CHCHD6: variants seen among roughly 807,000 people sequenced by gnomAD.
The protein encoded by CHCHD6 is coiled-coil-helix-coiled-coil-helix domain containing 6.
A neutral mutation model predicts 32.3 loss-of-function variants in CHCHD6; 28 were observed. The ratio of observed to expected loss-of-function variants is 0.87; its 90% CI spans 0.64 to 1.19. CHCHD6 has a LOEUF of 1.19. CHCHD6 is among the 50% of genes most tolerant of loss of function. The pLI is 0.00. For synonymous variants in CHCHD6, 122 were observed against 117.5 expected, an observed-to-expected ratio of 1.04 and a Z score of -0.25; for missense variants, 333 against 307.0, an observed-to-expected ratio of 1.08 and a Z score of -0.63.
intron 6 of CHCHD6, among the ~76,000 whole-genome samples, chr3:126,942,969 C>T (rs564239351): frequency 1.3e-5 from 2 of 152,274 alleles, no homozygotes; most frequent in Middle Eastern, 3.4e-3. Context: ...TATCTGGAGG[C>T]TCTTTGTAGG....
At chr3:126,828,816 C>T (rs1940517115) in intron 4 of CHCHD6, among the ~76,000 whole-genome samples, 1 of 152,204 alleles carries the variant, frequency 6.6e-6, no homozygotes, top group Admixed American at 6.5e-5. Context: ...ACTATTTGTA[C>T]CACTCGGTAA....
intron 5 of CHCHD6, among the ~76,000 whole-genome samples, chr3:126,901,053 G>C (rs927911144): frequency 2.0e-5 from 3 of 152,188 alleles, no homozygotes; most frequent in African/African-American, 7.2e-5. Flanking sequence ...GTTGACATGA[G>C]ATTCAGTAGG....
chr3:126,806,603 C>A (rs2107693781), intron 4 of CHCHD6, among the ~76,000 whole-genome samples: 1 of 152,228 alleles, frequency 6.6e-6, no homozygotes. Context: ...GTTGGTGGGA[C>A]TGTAAACTAG....
At chr3:126,916,506 G>A (rs1243226422) in intron 6 of CHCHD6, among the ~76,000 whole-genome samples, 2 of 152,162 alleles carry the variant, frequency 1.3e-5, no homozygotes, top group African/African-American at 4.8e-5. Context: ...ATAGAGACAA[G>A]GACAGGTGTT....
chr3:126,721,672 G>A (rs1320805652), intron 1 of CHCHD6, among the ~76,000 whole-genome samples: 1 of 151,928 alleles, frequency 6.6e-6, no homozygotes, highest in Non-Finnish European at 1.5e-5. Context: ...TGTGACCATT[G>A]CCACAATCAT....
chr3:126,823,114 C>T (rs1940222283), intron 4 of CHCHD6, among the ~76,000 whole-genome samples: 2 of 151,350 alleles, frequency 1.3e-5, no homozygotes, highest in South Asian at 2.1e-4. Context: ...GCGGTATCTC[C>T]CTGTGTTGCC....
At chr3:126,947,407 G>A (rs2078654943) in intron 6 of CHCHD6, among the ~76,000 whole-genome samples, 2 of 152,236 alleles carry the variant, frequency 1.3e-5, no homozygotes, top group South Asian at 2.1e-4. Flanking sequence ...CGGGGCAACT[G>A]TCTTTTCTTT....
chr3:126,930,876 A>G (rs1249120416), intron 6 of CHCHD6, among the ~76,000 whole-genome samples: 1 of 152,152 alleles, frequency 6.6e-6, no homozygotes, highest in Non-Finnish European at 1.5e-5. Context: ...TCATCTCTGT[A>G]CAGCTCTGGC....
chr3:126,954,115 T>C (rs537604211), intron 6 of CHCHD6, among the ~76,000 whole-genome samples: 1 of 152,362 alleles, frequency 6.6e-6, no homozygotes, highest in East Asian at 1.9e-4. Flanking sequence ...TTTCTTCCAG[T>C]TGACATTTGC....
At position 126,957,484 on chromosome 3, in the gene CHCHD6, C is replaced by A. The variant is rs368713584; in HGVS notation, c.635C>A (p.Pro212Gln). 3.7e-6 allele frequency: 6 copies of A among 1,606,232 alleles called. No individual in the cohort carries two copies. The highest frequency in any genetic ancestry group is 5.1e-6 in the Non-Finnish European group (6 of 1,176,640). ...ATTCTCCACTGCTACCGAGATCGCC[C>A]GCATGAGGTGCTGCTGTGCTCGGAC... ...AQILHCYRDR[P>Q]HEVLLCSDLV... The change falls in exon 7 of 8, where the codon CCG becomes CAG. Residue 212 changes from proline (P) to glutamine (Q), a missense_variant. Physicochemically the swap from Pro to Gln is moderately conservative, Grantham distance 76. Transcript: ENST00000290913.
intron 6 of CHCHD6, among the ~76,000 whole-genome samples, chr3:126,926,285 G>A (rs1204612371): frequency 2.0e-5 from 3 of 152,186 alleles, no homozygotes; most frequent in East Asian, 1.9e-4. Flanking sequence ...TAGATGATAG[G>A]CTCTTTGCAG....
chr3:126,753,389 G>A (rs1576374138), intron 4 of CHCHD6, among the ~76,000 whole-genome samples: 1 of 152,148 alleles, frequency 6.6e-6, no homozygotes, highest in East Asian at 1.9e-4. Flanking sequence ...GAGGAGGAGG[G>A]GCACTGAGGC....
At chr3:126,904,927 G>A (rs1005709401) in intron 5 of CHCHD6, among the ~76,000 whole-genome samples, 1 of 152,194 alleles carries the variant, frequency 6.6e-6, no homozygotes, top group African/African-American at 2.4e-5. Context: ...GGGGTGCCCT[G>A]GTGGATGAGG....
intron 6 of CHCHD6, chr3:126,949,148 G>C (rs1365866361): frequency 6.6e-6 from 1 of 152,668 alleles, no homozygotes; most frequent in African/African-American, 2.4e-5. Context: ...CAGAGTCTCA[G>C]ATACAGCCAG....
At chr3:126,841,583 A>C (rs937688893) in intron 4 of CHCHD6, among the ~76,000 whole-genome samples, 7 of 152,220 alleles carry the variant, frequency 4.6e-5, no homozygotes, top group African/African-American at 1.7e-4. Context: ...TCTTTCCATA[A>C]GCATGATCTA....
intron 5 of CHCHD6, among the ~76,000 whole-genome samples, chr3:126,902,095 TACA>T (rs1160235498): frequency 6.6e-6 from 1 of 152,198 alleles, no homozygotes; most frequent in African/African-American, 2.4e-5. Flanking sequence ...TCCCTGACCT[TACA>T]ACAACGATTC....
intron 4 of CHCHD6, among the ~76,000 whole-genome samples, chr3:126,833,143 G>A (rs1940709058): frequency 6.6e-6 from 1 of 152,172 alleles, no homozygotes; most frequent in Non-Finnish European, 1.5e-5. Context: ...ACATGTACAT[G>A]CACATGTGCA....
chr3:126,791,317 C>T (rs1938529345), intron 4 of CHCHD6, among the ~76,000 whole-genome samples: 2 of 152,222 alleles, frequency 1.3e-5, no homozygotes, highest in Admixed American at 6.5e-5. Flanking sequence ...ATCTCAGACT[C>T]CGTGCTGGGA....
chr3:126,825,925 T>A (rs1940373355), intron 4 of CHCHD6, among the ~76,000 whole-genome samples: 1 of 152,216 alleles, frequency 6.6e-6, no homozygotes, highest in African/African-American at 2.4e-5. Context: ...TTCTAGCAAT[T>A]CTGTGCTTCC....
Sources: allele counts gnomAD v4.1 joint callset (sites outside exome capture counted in the v4.1 genomes callset), GRCh38; gene constraint gnomAD v4.1.1; transcripts MANE v1.5; gene names NCBI Gene and HGNC (gene_info 2026-07-23, HGNC 2026-07-21).